The following AGMO variants were observed in gnomAD, a reference collection of about 807,000 sequenced individuals.
AGMO encodes glyceryl-ether monooxygenase.
A neutral mutation model predicts 60.2 loss-of-function variants in AGMO; 75 were observed. The ratio of observed to expected loss-of-function variants is 1.25; its 90% CI spans 1.03 to 1.51. AGMO has a LOEUF of 1.51. Among genes scored for constraint, AGMO ranks in the 40% most tolerant of loss-of-function variants. AGMO has a pLI of 0.00. For missense variants in AGMO, 763 were observed against 525.5 expected (o/e 1.45, Z -4.42); for synonymous variants, 261 against 177.1 (o/e 1.47, Z -3.76).
At chr7:15,496,680 T>C (rs932707660) in intron 3 of AGMO, among the ~76,000 whole-genome samples, 4 of 152,062 alleles carry the variant, frequency 2.6e-5, no homozygotes, top group Non-Finnish European at 5.9e-5. Flanking sequence ...GTTATGTGAG[T>C]GTTTTTATGT....
chr7:15,529,184 C>G (rs949538102), intron 3 of AGMO, among the ~76,000 whole-genome samples: 3 of 151,862 alleles, frequency 2.0e-5, no homozygotes, highest in African/African-American at 7.3e-5. Context: ...TAGGTATAAT[C>G]ATGGTGTTTT....
the AGMO span, among the ~76,000 whole-genome samples, chr7:15,171,271 A>G: frequency 1.3e-5 from 2 of 152,112 alleles, no homozygotes; most frequent in African/African-American, 4.8e-5. Context: ...TTGAGCCACC[A>G]CGCCCTACCT....
At chr7:15,474,333 G>A (rs1007333324) in intron 3 of AGMO, among the ~76,000 whole-genome samples, 1 of 152,110 alleles carries the variant, frequency 6.6e-6, no homozygotes, top group African/African-American at 2.4e-5. Context: ...AAACAGCTTG[G>A]TACTGGTACC....
intron 12 of AGMO, among the ~76,000 whole-genome samples, chr7:15,353,995 G>A (rs1782354819): frequency 6.6e-6 from 1 of 152,038 alleles, no homozygotes; most frequent in Non-Finnish European, 1.5e-5. Flanking sequence ...GTGATAGTTT[G>A]CAATTTACTG....
chr7:15,324,012 T>G (rs1415437088), intron 12 of AGMO, among the ~76,000 whole-genome samples: 1 of 152,222 alleles, frequency 6.6e-6, no homozygotes, highest in East Asian at 1.9e-4. Context: ...TAATTTGTAT[T>G]AAAGTGCATA....
Position 15,395,033 on chromosome 7 carries a change from G to C in AGMO, c.610-854C>G, listed in dbSNP as rs143056063. Among the ~76,000 whole-genome samples the C allele has an allele frequency of 2.1e-4, 32 of 152,274 alleles. No individual in the cohort carries two copies. In the East Asian group the frequency reaches 5.6e-3, roughly 27 times the overall value. On this transcript the variant is annotated intron_variant, in intron 5 of 12. Transcript: ENST00000342526. ...TAGCAGCCCAGATGTAAGACATTTG[G>C]TATGTTACATGAATAATACTGGACA...
chr7:15,119,729 G>A, the AGMO span, among the ~76,000 whole-genome samples: 2 of 151,936 alleles, frequency 1.3e-5, no homozygotes, highest in Non-Finnish European at 2.9e-5. Context: ...TATACTATAT[G>A]CAATTATAGA....
intron 3 of AGMO, among the ~76,000 whole-genome samples, chr7:15,497,620 G>A (rs1783267381): frequency 6.6e-6 from 1 of 151,944 alleles, no homozygotes; most frequent in South Asian, 2.1e-4. Context: ...CAGTGTGTGT[G>A]CATGCACCTT....
the AGMO span, among the ~76,000 whole-genome samples, chr7:15,154,369 G>A: frequency 6.6e-6 from 1 of 152,138 alleles, no homozygotes; most frequent in Non-Finnish European, 1.5e-5. Flanking sequence ...AAATACTGCT[G>A]AAAGGAATCA....
intron 4 of AGMO, 72 bp downstream of exon 4, chr7:15,430,933 T>TTTTTTTA: frequency 1.3e-6 from 1 of 788,670 alleles, no homozygotes; most frequent in South Asian, 2.7e-5. Context: ...TTTTTTTTTT[T>TTTTTTTA]GAGGAAATAG....
chr7:15,380,939 C>T (rs960446185), intron 10 of AGMO, among the ~76,000 whole-genome samples: 1 of 152,096 alleles, frequency 6.6e-6, no homozygotes, highest in Non-Finnish European at 1.5e-5. Context: ...GGAAAGGATT[C>T]CCTAATTCAA....
At chr7:15,543,976 C>T (rs749136515) in intron 3 of AGMO, among the ~76,000 whole-genome samples, 9 of 151,774 alleles carry the variant, frequency 5.9e-5, no homozygotes, top group Admixed American at 2.0e-4. Context: ...AGCCCAAATG[C>T]CCATCAAGAA....
chr7:15,498,917 T>C (rs1050854830), intron 3 of AGMO, among the ~76,000 whole-genome samples: 2 of 151,956 alleles, frequency 1.3e-5, no homozygotes, highest in African/African-American at 4.8e-5. Flanking sequence ...TGATATCTAA[T>C]ATGAAACAGT....
At chr7:15,169,674 T>C in the AGMO span, among the ~76,000 whole-genome samples, 11 of 152,122 alleles carry the variant, frequency 7.2e-5, no homozygotes, top group Non-Finnish European at 1.6e-4. Flanking sequence ...TGACCTCAAG[T>C]GATCCACCTG....
the AGMO span, among the ~76,000 whole-genome samples, chr7:15,118,956 G>C: frequency 7.4e-6 from 1 of 134,660 alleles, no homozygotes; most frequent in Non-Finnish European, 1.5e-5. Flanking sequence ...GAGTGCAGTG[G>C]CACGATAGAA....
At chr7:15,476,570 T>C (rs1421850025) in intron 3 of AGMO, among the ~76,000 whole-genome samples, 1 of 152,118 alleles carries the variant, frequency 6.6e-6, no homozygotes, top group Non-Finnish European at 1.5e-5. Flanking sequence ...TCTGGGTTTG[T>C]GGTGATAATT....
At chr7:15,311,000 G>A (rs144378722) in intron 12 of AGMO, among the ~76,000 whole-genome samples, 226 of 152,064 alleles carry the variant, frequency 1.5e-3, no homozygotes, top group African/African-American at 5.2e-3. Flanking sequence ...CACTTCTGAC[G>A]GCATGAGGCC....
chr7:15,313,602 C>G (rs1780829579), intron 12 of AGMO, among the ~76,000 whole-genome samples: 1 of 152,008 alleles, frequency 6.6e-6, no homozygotes, highest in Non-Finnish European at 1.5e-5. Flanking sequence ...TGAACTCAAA[C>G]AGAAAGGAGA....
chr7:15,131,963 G>A, the AGMO span, among the ~76,000 whole-genome samples: 6 of 152,028 alleles, frequency 3.9e-5, no homozygotes, highest in Non-Finnish European at 4.4e-5. Flanking sequence ...TCTCCTGTCT[G>A]CCTCCAAGCT....
Sources: allele counts gnomAD v4.1 joint callset (sites outside exome capture counted in the v4.1 genomes callset), GRCh38; gene constraint gnomAD v4.1.1; transcripts MANE v1.5; gene names NCBI Gene and HGNC (gene_info 2026-07-23, HGNC 2026-07-21).